The following PCDHA12 variants were observed in gnomAD, a reference collection of about 807,000 sequenced individuals.
PCDHA12 encodes protocadherin alpha 12, also known as protocadherin alpha-12.
In PCDHA12, 44 loss-of-function variants were observed where a neutral mutation model predicts 60.0. The observed-to-expected ratio is 0.73, with a 90% CI of 0.58 to 0.94. The LOEUF is 0.94. PCDHA12 is among the 40% of genes least tolerant of loss of function. The pLI is 0.00. For synonymous variants in PCDHA12, 569 were observed against 553.0 expected (o/e 1.03, Z -0.40); for missense variants, 1,276 against 1,239.7 (o/e 1.03, Z -0.44).
chr5:140,899,936 T>G (rs1443562291), intron 1 of PCDHA12, among the ~76,000 whole-genome samples: 1 of 152,064 alleles, frequency 6.6e-6, no homozygotes, highest in Non-Finnish European at 1.5e-5. Flanking sequence ...GCCTCCTGAA[T>G]AGCTGGGACC....
chr5:140,908,090 G>A (rs1198966409), intron 1 of PCDHA12, among the ~76,000 whole-genome samples: 1 of 152,200 alleles, frequency 6.6e-6, no homozygotes. Flanking sequence ...CAGGTGCACT[G>A]ATTGAAGTTC....
At chr5:140,898,900 C>T (rs1257410263) in intron 1 of PCDHA12, among the ~76,000 whole-genome samples, 2 of 151,396 alleles carry the variant, frequency 1.3e-5, no homozygotes, top group Non-Finnish European at 3.0e-5. Context: ...TGAAGAGGTC[C>T]TTCACGTCCC....
At chr5:140,949,144 T>C (rs2094347159) in intron 1 of PCDHA12, among the ~76,000 whole-genome samples, 1 of 151,806 alleles carries the variant, frequency 6.6e-6, no homozygotes, top group Non-Finnish European at 1.5e-5. Context: ...TTGTTGCTTT[T>C]GATTTCTAAT....
At chr5:140,929,935 T>C (rs1253092331) in intron 1 of PCDHA12, 1 of 152,218 alleles carries the variant, frequency 6.6e-6, no homozygotes, top group Non-Finnish European at 1.5e-5. Context: ...CAGTGTATTC[T>C]CTAGCCTATA....
intron 1 of PCDHA12, among the ~76,000 whole-genome samples, chr5:140,946,255 A>C (rs1554217419): frequency 6.6e-6 from 1 of 152,084 alleles, no homozygotes; most frequent in Non-Finnish European, 1.5e-5. Context: ...GAATCATCAG[A>C]AAAATGCGAA....
At chr5:140,946,152 G>T (rs1279401608) in intron 1 of PCDHA12, among the ~76,000 whole-genome samples, 1 of 151,750 alleles carries the variant, frequency 6.6e-6, no homozygotes, top group Non-Finnish European at 1.5e-5. Flanking sequence ...CAAATAACAC[G>T]ATTTAAAAGA....
chr5:140,997,668 T>TGTGTG (rs2097778571), intron 3 of PCDHA12, among the ~76,000 whole-genome samples: 1 of 148,244 alleles, frequency 6.7e-6, no homozygotes, highest in African/African-American at 2.5e-5. Flanking sequence ...ATTATACAGC[T>TGTGTG]TGTGTGTGTG....
intron 3 of PCDHA12, among the ~76,000 whole-genome samples, chr5:140,996,121 G>A (rs2097712758): frequency 6.6e-6 from 1 of 152,212 alleles, no homozygotes; most frequent in Admixed American, 6.5e-5. Flanking sequence ...GTGCAGGGTG[G>A]TGTAGAGGGT....
At chr5:140,877,990 T>C in intron 1 of PCDHA12, 151 bp downstream of exon 1, 1 of 1,127,766 alleles carries the variant, frequency 8.9e-7, no homozygotes. Flanking sequence ...TTTTGAACTT[T>C]TATGTATTTG....
intron 3 of PCDHA12, among the ~76,000 whole-genome samples, chr5:141,003,100 T>TTCACAATC (rs1311391173): frequency 6.6e-6 from 1 of 152,240 alleles, no homozygotes; most frequent in African/African-American, 2.4e-5. Flanking sequence ...TGGCATTTGC[T>TTCACAATC]TCACAATCTT....
At chr5:140,974,828 A>T (rs2096642920) in intron 1 of PCDHA12, among the ~76,000 whole-genome samples, 1 of 152,188 alleles carries the variant, frequency 6.6e-6, no homozygotes, top group Non-Finnish European at 1.5e-5. Flanking sequence ...CAACATAATG[A>T]TTATTTTAAA....
In PCDHA12 at chr5:140,941,191, T is replaced by C. The variant is rs184104978; in HGVS notation, c.2368-37758T>C. Among the ~76,000 whole-genome samples the C allele has an allele frequency of 2.1e-3, 199 of 93,252 alleles. 3 individuals are homozygous for C. Among genetic ancestry groups the C allele is most frequent in the South Asian group, 0.011 (39 of 3,542 alleles). The allele number at this position is 93,252 out of a possible 152,430, so 61.2% of individuals were successfully genotyped here. A position where few individuals can be genotyped will look rare whatever the true frequency, so the allele number is the denominator to read the frequency against. On this transcript the variant is annotated intron_variant, in intron 1 of 3. Transcript: ENST00000398631. ...CATCTTGAACATCCTGCTTCTTTTT[T>C]TTTCTTTCTTCCTTTCTTTCTTCCT...
intron 1 of PCDHA12, among the ~76,000 whole-genome samples, chr5:140,898,111 T>C (rs1319791706): frequency 6.6e-6 from 1 of 152,184 alleles, no homozygotes; most frequent in Non-Finnish European, 1.5e-5. Context: ...ATGAGTAGGT[T>C]GCGAAAATTT....
chr5:140,988,038 T>C (rs1045669411), intron 3 of PCDHA12, among the ~76,000 whole-genome samples: 1 of 152,212 alleles, frequency 6.6e-6, no homozygotes, highest in African/African-American at 2.4e-5. Flanking sequence ...TTTTAGAATC[T>C]GTTTAGGAGC....
chr5:140,898,628 C>T (rs1305030651), intron 1 of PCDHA12, among the ~76,000 whole-genome samples: 2 of 152,176 alleles, frequency 1.3e-5, no homozygotes, highest in African/African-American at 4.8e-5. Context: ...TAGCATAATG[C>T]CTCCAGCTTT....
At chr5:140,980,160 T>C (rs1408251279) in intron 2 of PCDHA12, among the ~76,000 whole-genome samples, 1 of 152,140 alleles carries the variant, frequency 6.6e-6, no homozygotes, top group East Asian at 1.9e-4. Context: ...TACCAGAATA[T>C]TAGGTATCAG....
chr5:140,951,176 A>G (rs1392502599), intron 1 of PCDHA12, among the ~76,000 whole-genome samples: 1 of 151,676 alleles, frequency 6.6e-6, no homozygotes, highest in Non-Finnish European at 1.5e-5. Context: ...CTTTAAAGTC[A>G]TTGTCCGCTA....
intron 1 of PCDHA12, chr5:140,967,098 G>C: frequency 6.2e-7 from 1 of 1,613,130 alleles, no homozygotes; most frequent in Non-Finnish European, 8.5e-7. Flanking sequence ...GAGGCGCTGT[G>C]TGAGCAGCGG....
Position 140,876,718 on chromosome 5 carries a change from G to T in PCDHA12, c.1246G>T (p.Glu416Ter), listed in dbSNP as rs1554168825. The T allele has an allele frequency of 1.9e-6, 3 of 1,614,124 alleles. No homozygotes were observed. The highest frequency in any genetic ancestry group is 1.3e-5 in the African/African-American group (1 of 74,952). Residue 416 changes from glutamate to a stop codon, truncating the protein, a stop_gained, in exon 1 of 4, where the codon GAG becomes TAG. Transcript: ENST00000398631. LOFTEE classifies it high-confidence loss of function. ...SLVLDSALDR[E>*]SVSAYELVVT... is the part of the protein sequence containing the mutation. ...GGTGCTGGACAGCGCCCTGGACCGCGAGAGCGTGTCGGCCTATGAGCTGGT... is the reference window on the plus strand; with the variant it reads ...GGTGCTGGACAGCGCCCTGGACCGCTAGAGCGTGTCGGCCTATGAGCTGGT...
Sources: gnomAD v4.1 joint callset for allele counts (sites outside exome capture counted in the v4.1 genomes callset) on GRCh38, gnomAD v4.1.1 for gene constraint, MANE v1.5 for transcripts, NCBI Gene and HGNC (gene_info 2026-07-23, HGNC 2026-07-21) for gene names.